Variants in CHODL observed in about 807,000 individuals in gnomAD.
CHODL encodes the protein transmembrane protein MT75.
A neutral mutation model predicts 34.5 loss-of-function variants in CHODL; 29 were observed. That is an observed-to-expected ratio of 0.84 (90% CI 0.63 to 1.15). CHODL has a LOEUF of 1.15. Among genes scored for constraint, CHODL ranks in the 50% most tolerant of loss-of-function variants. The pLI, the probability that CHODL is intolerant of heterozygous loss-of-function variation, is 0.00. For synonymous variants in CHODL, 125 were observed against 116.1 expected (o/e 1.08, Z -0.49); for missense variants, 332 against 332.5 (o/e 1.00, Z 0.01).
chr21:18,100,505 A>G (rs2065199877), intron 2 of CHODL, among the ~76,000 whole-genome samples: 1 of 152,122 alleles, frequency 6.6e-6, no homozygotes, highest in South Asian at 2.1e-4. Flanking sequence ...TTGTGTAGTA[A>G]GAATTCCATA....
At chr21:18,167,374 A>G (rs2146653104) in intron 2 of CHODL, among the ~76,000 whole-genome samples, 1 of 139,940 alleles carries the variant, frequency 7.1e-6, no homozygotes, top group South Asian at 2.2e-4. Flanking sequence ...CAGTGGTGTG[A>G]TCTCAGCTCA....
At chr21:18,153,920 A>G (rs1030387809) in intron 2 of CHODL, among the ~76,000 whole-genome samples, 5 of 152,130 alleles carry the variant, frequency 3.3e-5, no homozygotes, top group African/African-American at 4.8e-5. Context: ...CAGTGCAGTG[A>G]CATTCTGCTT....
intron 1 of CHODL, among the ~76,000 whole-genome samples, chr21:18,245,621 T>C (rs900697567): frequency 3.3e-5 from 5 of 151,996 alleles, no homozygotes; most frequent in African/African-American, 1.2e-4. Flanking sequence ...ACGGCCGGGC[T>C]CAGCACCTGC....
At chr21:17,940,868 T>C (rs890923907) in intron 1 of CHODL, among the ~76,000 whole-genome samples, 2 of 152,212 alleles carry the variant, frequency 1.3e-5, no homozygotes, top group South Asian at 4.1e-4. Context: ...TGAATGGTCG[T>C]ATCTGTAAAC....
intron 2 of CHODL, among the ~76,000 whole-genome samples, chr21:18,181,690 A>G (rs2073384703): frequency 1.3e-5 from 2 of 152,184 alleles, no homozygotes; most frequent in African/African-American, 4.8e-5. Flanking sequence ...GCGCCCAGCC[A>G]AGAATCACAT....
chr21:18,162,039 C>T (rs912091990), intron 2 of CHODL, among the ~76,000 whole-genome samples: 2 of 152,202 alleles, frequency 1.3e-5, no homozygotes, highest in African/African-American at 4.8e-5. Flanking sequence ...CCACCCTCCA[C>T]CTGTAATTTA....
At chr21:17,942,168 TATAAG>T (rs1470275043) in intron 1 of CHODL, among the ~76,000 whole-genome samples, 1 of 152,146 alleles carries the variant, frequency 6.6e-6, no homozygotes, top group Non-Finnish European at 1.5e-5. Context: ...GACCATAAAA[TATAAG>T]ATAATTTGTT....
At chr21:18,250,839 G>A (rs2074227082) in intron 1 of CHODL, among the ~76,000 whole-genome samples, 2 of 151,900 alleles carry the variant, frequency 1.3e-5, no homozygotes, top group Non-Finnish European at 2.9e-5. Context: ...TATTTACCAT[G>A]TGGATGCTCT....
chr21:18,043,105 G>T (rs2064396430), intron 2 of CHODL, among the ~76,000 whole-genome samples: 1 of 151,952 alleles, frequency 6.6e-6, no homozygotes, highest in African/African-American at 2.4e-5. Context: ...TTGGTTGTAT[G>T]CTCTTAATGA....
intron 2 of CHODL, among the ~76,000 whole-genome samples, chr21:18,087,594 C>A (rs2065023189): frequency 6.6e-6 from 1 of 152,082 alleles, no homozygotes. Context: ...TAAGTGGGAG[C>A]TGCAGACATG....
chr21:18,180,388 T>A (rs2073368160), intron 2 of CHODL, among the ~76,000 whole-genome samples: 1 of 152,082 alleles, frequency 6.6e-6, no homozygotes, highest in Admixed American at 6.5e-5. Flanking sequence ...CAAGCAATCC[T>A]CCTGCTGGGC....
intron 1 of CHODL, among the ~76,000 whole-genome samples, chr21:17,978,444 C>T (rs924463055): frequency 1.4e-4 from 21 of 147,818 alleles, no homozygotes; most frequent in African/African-American, 4.0e-4. Flanking sequence ...AAAGGCCGGG[C>T]GCGGTGGCGC....
At chr21:18,184,807 A>C (rs986587311) in intron 2 of CHODL, among the ~76,000 whole-genome samples, 3 of 152,208 alleles carry the variant, frequency 2.0e-5, no homozygotes, top group Admixed American at 1.3e-4. Flanking sequence ...TAACTGGTAT[A>C]CAGATTCCCT....
chr21:18,091,513 T>C (rs999754712), intron 2 of CHODL, among the ~76,000 whole-genome samples: 2 of 152,142 alleles, frequency 1.3e-5, no homozygotes, highest in Non-Finnish European at 2.9e-5. Context: ...CTTGTCTCTT[T>C]AGGTACCAGT....
intron 1 of CHODL, among the ~76,000 whole-genome samples, chr21:17,991,148 ATGGCTGAGTACTAT>A (rs2063793977): frequency 6.6e-6 from 1 of 152,018 alleles, no homozygotes; most frequent in South Asian, 2.1e-4. Context: ...TTTCTTTTCC[ATGGCTGAGTACTAT>A]TCCATTGTGT....
intron 1 of CHODL, among the ~76,000 whole-genome samples, chr21:17,925,141 C>T (rs1330544759): frequency 6.6e-6 from 1 of 152,142 alleles, no homozygotes; most frequent in Non-Finnish European, 1.5e-5. Context: ...AAGGACACAC[C>T]CCTGAGGAGA....
intron 2 of CHODL, among the ~76,000 whole-genome samples, chr21:18,172,654 A>G (rs1468907652): frequency 6.6e-6 from 1 of 152,006 alleles, no homozygotes; most frequent in Non-Finnish European, 1.5e-5. Flanking sequence ...GATTCTGACA[A>G]TTTTTACTAG....
At chr21:18,013,510 T>C (rs1260700664) in intron 1 of CHODL, among the ~76,000 whole-genome samples, 1 of 152,118 alleles carries the variant, frequency 6.6e-6, no homozygotes, top group Admixed American at 6.6e-5. Flanking sequence ...CCTACTTTGA[T>C]GAAATTTTTA....
At chr21:18,065,232 A>T (rs1048210185) in intron 2 of CHODL, among the ~76,000 whole-genome samples, 11 of 152,236 alleles carry the variant, frequency 7.2e-5, no homozygotes, top group African/African-American at 2.2e-4. Context: ...TCAAGCAACA[A>T]TTAGCAGTCC....
Sources: gnomAD v4.1 joint callset for allele counts (sites outside exome capture counted in the v4.1 genomes callset) on GRCh38, gnomAD v4.1.1 for gene constraint, MANE v1.5 for transcripts, NCBI Gene and HGNC (gene_info 2026-07-23, HGNC 2026-07-21) for gene names.